The following GRID1 variants were observed in gnomAD, a reference collection of about 807,000 sequenced individuals.
GRID1 encodes the protein glutamate receptor ionotropic, delta-1.
In GRID1, 28 loss-of-function variants were observed where a neutral mutation model predicts 98.0. The observed-to-expected ratio is 0.29, with a 90% CI of 0.21 to 0.39. The LOEUF is 0.39. Ranked by LOEUF, GRID1 falls within the 10% of genes least tolerant of loss-of-function variation. The pLI is 1.00. For synonymous variants in GRID1, 553 were observed against 538.5 expected (o/e 1.03, Z -0.37); for missense variants, 1,111 against 1,340.5 (o/e 0.83, Z 2.67).
At chr10:86,252,754 T>C (rs1226165271) in intron 2 of GRID1, among the ~76,000 whole-genome samples, 1 of 152,224 alleles carries the variant, frequency 6.6e-6, no homozygotes, top group African/African-American at 2.4e-5. Flanking sequence ...GAGATAACAT[T>C]ACCGTCTCTG....
intron 8 of GRID1, among the ~76,000 whole-genome samples, chr10:85,740,741 C>T (rs1226442007): frequency 2.1e-5 from 3 of 139,584 alleles, no homozygotes; most frequent in Non-Finnish European, 4.6e-5. Flanking sequence ...TCTATCTGTT[C>T]ACAAATACAC....
At chr10:85,704,378 T>C (rs1841490076) in intron 12 of GRID1, among the ~76,000 whole-genome samples, 1 of 152,140 alleles carries the variant, frequency 6.6e-6, no homozygotes, top group Admixed American at 6.5e-5. Flanking sequence ...AAGAAGGCCA[T>C]TACATAATGG....
chr10:85,995,722 A>T (rs574097815), intron 4 of GRID1, among the ~76,000 whole-genome samples: 1 of 152,380 alleles, frequency 6.6e-6, no homozygotes, highest in Non-Finnish European at 1.5e-5. Context: ...CTAGAGGCAG[A>T]TGCAGCCACA....
chr10:85,720,682 A>C (rs4456206), intron 12 of GRID1, among the ~76,000 whole-genome samples: 8,896 of 151,416 alleles, frequency 0.059, 489 homozygotes, highest in African/African-American at 0.14. Context: ...AGAAAAAAAA[A>C]CCCCAAAACT....
chr10:86,274,153 C>G (rs894333605), intron 2 of GRID1, among the ~76,000 whole-genome samples: 3 of 152,106 alleles, frequency 2.0e-5, no homozygotes, highest in African/African-American at 7.2e-5. Context: ...TTCCCAGCAC[C>G]ATTTATTAAA....
At chr10:86,347,449 C>T (rs1007832379) in intron 2 of GRID1, among the ~76,000 whole-genome samples, 7 of 152,196 alleles carry the variant, frequency 4.6e-5, no homozygotes, top group Non-Finnish European at 5.9e-5. Context: ...AGGATTGATT[C>T]GGGGAGGAAG....
At chr10:85,992,964 C>T (rs1355375107) in intron 4 of GRID1, among the ~76,000 whole-genome samples, 1 of 151,854 alleles carries the variant, frequency 6.6e-6, no homozygotes, top group African/African-American at 2.4e-5. Flanking sequence ...TAAAAAATAA[C>T]AATTTTAGAA....
intron 12 of GRID1, among the ~76,000 whole-genome samples, chr10:85,672,684 C>A (rs1841100490): frequency 6.6e-6 from 1 of 152,032 alleles, no homozygotes; most frequent in South Asian, 2.1e-4. Flanking sequence ...ATATTTTAAG[C>A]CCACTGTTGA....
chr10:85,687,620 ACT>A (rs1347198673), intron 12 of GRID1, among the ~76,000 whole-genome samples: 3 of 151,700 alleles, frequency 2.0e-5, no homozygotes, highest in African/African-American at 7.3e-5. Flanking sequence ...ACAGAGCAAG[ACT>A]CTGTCTCAAA....
At chr10:86,042,499 C>G (rs1017627889) in intron 4 of GRID1, among the ~76,000 whole-genome samples, 1 of 152,176 alleles carries the variant, frequency 6.6e-6, no homozygotes, top group Non-Finnish European at 1.5e-5. Flanking sequence ...AGAGCAGGGG[C>G]TCTGTGGGCA....
At chr10:85,742,338 G>A (rs1169147548) in intron 8 of GRID1, among the ~76,000 whole-genome samples, 1 of 152,204 alleles carries the variant, frequency 6.6e-6, no homozygotes, top group African/African-American at 2.4e-5. Context: ...ACATTGAGTA[G>A]TGGAGTTGGG....
rs1564613340 is a variant in GRID1 at position 85,865,965 on chromosome 10, A to ATATATATG, written c.951+3044_951+3045insCATATATA. 9.6e-5 allele frequency among the ~76,000 whole-genome samples: 8 copies of ATATATATG among 83,322 alleles called. 1 individual carries two copies. The highest frequency in any genetic ancestry group is 4.2e-4 in the African/African-American group (7 of 16,526). 54.7% of individuals were successfully genotyped at this position (83,322 alleles called of 152,430 possible). ...TATACACATATATATGGAGAGAGAG[A>ATATATATG]GAGAGAGAGAGAGAGAGAGAGAGAG... On this transcript the variant is annotated intron_variant, in intron 6 of 15. Coordinates refer to ENST00000327946, the MANE Select transcript of GRID1 (RefSeq NM_017551.3).
chr10:85,980,567 G>A (rs969257806), intron 4 of GRID1, among the ~76,000 whole-genome samples: 6 of 152,180 alleles, frequency 3.9e-5, no homozygotes, highest in East Asian at 1.9e-4. Context: ...CAGCATCTCC[G>A]GATGTTTCCT....
intron 13 of GRID1, among the ~76,000 whole-genome samples, chr10:85,630,771 A>G (rs1003137523): frequency 9.2e-5 from 14 of 152,164 alleles, no homozygotes; most frequent in Non-Finnish European, 2.9e-5. Flanking sequence ...CCCACCAAAT[A>G]AGAGACTCTT....
rs1181777741 is a variant in GRID1 at position 85,619,870 on chromosome 10, T to G, written c.2357A>C (p.Gln786Pro). The G allele has an allele frequency of 1.2e-6, 2 of 1,613,668 alleles. No individual in the cohort carries two copies. The highest frequency in any genetic ancestry group is 4.5e-5 in the East Asian group (2 of 44,888). Residue 786 changes from glutamine (Q) to proline (P), a missense_variant, in exon 14 of 16, where the codon CAG becomes CCG. Around this residue, in one of 3 missense-constraint regions of GRID1, gnomAD observed 762 missense variants for 869.1 expected, o/e 0.88. Transcript: ENST00000327946. ...HGSPYRDLFS[Q>P]RILELQDTGD... ...TTACCTTGCTGCCCAAGCCTACCTC[T>G]GGGAGAAGAGGTCCCTGTAGGGGCT...
intron 4 of GRID1, among the ~76,000 whole-genome samples, chr10:86,024,897 T>C (rs1004645527): frequency 6.6e-6 from 1 of 152,134 alleles, no homozygotes; most frequent in Non-Finnish European, 1.5e-5. Flanking sequence ...ACAGAGTAGA[T>C]AAGATGAGGC....
At chr10:85,946,986 G>C (rs570194625) in intron 4 of GRID1, among the ~76,000 whole-genome samples, 1 of 152,294 alleles carries the variant, frequency 6.6e-6, no homozygotes, top group African/African-American at 2.4e-5. Flanking sequence ...AGTCCAGAAG[G>C]AACAGTGTAT....
chr10:85,761,589 A>T (rs140190512), intron 8 of GRID1, among the ~76,000 whole-genome samples: 7 of 152,306 alleles, frequency 4.6e-5, no homozygotes, highest in Admixed American at 2.0e-4. Context: ...CTAACCCAGC[A>T]TCATCAGGGG....
chr10:85,746,234 T>C (rs1056749381), intron 8 of GRID1, among the ~76,000 whole-genome samples: 2 of 152,190 alleles, frequency 1.3e-5, no homozygotes, highest in African/African-American at 4.8e-5. Flanking sequence ...GATAAGATCC[T>C]AGACTTTGGG....
Sources: gnomAD v4.1 joint callset for allele counts (sites outside exome capture counted in the v4.1 genomes callset) on GRCh38, gnomAD v4.1.1 for gene constraint, gnomAD v4.1.1 regional missense constraint, MANE v1.5 for transcripts, NCBI Gene and HGNC (gene_info 2026-07-23, HGNC 2026-07-21) for gene names.